The following ACO2 variants were observed in gnomAD, a reference collection of about 807,000 sequenced individuals.
ACO2 encodes aconitase 2, also known as aconitate hydratase, mitochondrial.
ACO2 carries 31 observed loss-of-function variants against 84.5 expected under a neutral mutation model. The ratio of observed to expected loss-of-function variants is 0.37; its 90% CI spans 0.28 to 0.50. The LOEUF (loss-of-function observed/expected upper bound fraction) is 0.50. Among genes scored for constraint, ACO2 ranks in the 20% least tolerant of loss-of-function variants. ACO2 has a pLI of 0.97. For synonymous variants in ACO2, 414 were observed against 412.7 expected (o/e 1.00, Z -0.04); for missense variants, 685 against 1,029.3 (o/e 0.67, Z 4.58).
chr22:41,478,172 C>G (rs2038042927), intron 1 of ACO2, among the ~76,000 whole-genome samples: 2 of 152,130 alleles, frequency 1.3e-5, no homozygotes, highest in Admixed American at 6.5e-5. Flanking sequence ...AAGATAGAGT[C>G]TCGCTCTGTT....
At chr22:41,520,819 G>C (rs751707333) in intron 9 of ACO2, among the ~76,000 whole-genome samples, 7 of 150,618 alleles carry the variant, frequency 4.6e-5, no homozygotes, top group African/African-American at 7.4e-5. Context: ...TCCAGCCTGG[G>C]TGACAGAGCG....
chr22:41,469,500 T>G, intron 1 of ACO2: 1 of 340,250 alleles, frequency 2.9e-6, no homozygotes, highest in Non-Finnish European at 5.4e-6. Context: ...TGTGTTTCCA[T>G]TCCTCAAGGT....
intron 1 of ACO2, among the ~76,000 whole-genome samples, chr22:41,475,454 G>A (rs2038001644): frequency 2.0e-5 from 3 of 152,092 alleles, no homozygotes; most frequent in Admixed American, 1.3e-4. Flanking sequence ...TGGCTAGTGG[G>A]AAGAGAGTGT....
At position 41,526,557 on chromosome 22, in the gene ACO2, G is replaced by A. The variant is rs572097158; in HGVS notation, c.1953+104G>A. The A allele has an allele frequency of 3.3e-3, 4,323 of 1,328,632 alleles. 11 individuals are homozygous for A. The highest frequency in any genetic ancestry group is 4.0e-3 in the Non-Finnish European group (3,903 of 978,054). The allele number at this position is 1,328,632 out of a possible 1,614,324, so 82.3% of individuals were successfully genotyped here. A position where few individuals can be genotyped will look rare whatever the true frequency, so the allele number is the denominator to read the frequency against. Reference sequence around the variant, plus strand: ...GGGAGTGGAAACTGGGAAGGAGGCCGACCAAGCCCAAAGGGGACTGCTGTG... The same window carrying A: ...GGGAGTGGAAACTGGGAAGGAGGCCAACCAAGCCCAAAGGGGACTGCTGTG... On this transcript the variant is annotated intron_variant, in intron 15 of 17. Coordinates refer to ENST00000216254, the MANE Select transcript of ACO2 (RefSeq NM_001098.3).
In ACO2 at chr22:41,526,363, C is replaced by T. The variant is rs1156939448; in HGVS notation, c.1863C>T (p.Ala621=). 1 of 1,613,746 alleles carries T rather than the reference C, an allele frequency of 6.2e-7. No homozygotes were observed. The highest frequency in any genetic ancestry group is 8.5e-7 in the Non-Finnish European group (1 of 1,180,030). The part of the protein sequence containing the change: ...DNISNNLLIG[A]INIENGKANS... ...TCTCCAACAACCTGCTCATTGGTGC[C>T]ATCAACATTGAAAACGGCAAGGCCA... is the stretch of plus-strand genomic sequence containing the variant. The change falls in exon 15 of 18, where the codon GCC becomes GCT. Residue 621 remains alanine (A), a synonymous_variant. Coordinates refer to ENST00000216254, the MANE Select transcript of ACO2 (RefSeq NM_001098.3).
intron 8 of ACO2, among the ~76,000 whole-genome samples, chr22:41,518,813 C>T (rs921999958): frequency 6.6e-6 from 1 of 152,050 alleles, no homozygotes; most frequent in African/African-American, 2.4e-5. Context: ...CGGCATAGTG[C>T]CATGTGCCTA....
intron 1 of ACO2, among the ~76,000 whole-genome samples, chr22:41,484,043 T>C (rs990721155): frequency 6.6e-6 from 1 of 152,158 alleles, no homozygotes; most frequent in Non-Finnish European, 1.5e-5. Flanking sequence ...GAATTTGTGA[T>C]AAGTACACCA....
chr22:41,488,355 T>G (rs1190823893), intron 1 of ACO2, among the ~76,000 whole-genome samples: 1 of 152,216 alleles, frequency 6.6e-6, no homozygotes, highest in Non-Finnish European at 1.5e-5. Context: ...CAGTTTAGTC[T>G]GCTTACTGCT....
At chr22:41,524,701 T>C in intron 12 of ACO2, 145 bp from the exon 13 acceptor site, 1 of 1,311,590 alleles carries the variant, frequency 7.6e-7, no homozygotes, top group Non-Finnish European at 1.1e-6. Flanking sequence ...GTCCTGCAGC[T>C]CTGGCCTCTG....
chr22:41,511,392 G>A (rs1475118134), intron 3 of ACO2, among the ~76,000 whole-genome samples: 4 of 152,156 alleles, frequency 2.6e-5, no homozygotes, highest in Non-Finnish European at 5.9e-5. Flanking sequence ...GGCTGGTCTT[G>A]AACTCCTGAC....
chr22:41,518,455 C>T (rs760688516), intron 7 of ACO2, 26 bp from the exon 8 acceptor site: 6 of 1,572,952 alleles, frequency 3.8e-6, no homozygotes, highest in Non-Finnish European at 5.2e-6. Flanking sequence ...TTCACGTGCT[C>T]CATCCCCGTC....
intron 10 of ACO2, 73 bp from the exon 11 acceptor site, chr22:41,523,132 C>T (rs1017819477): frequency 3.9e-6 from 6 of 1,534,958 alleles, no homozygotes; most frequent in Non-Finnish European, 5.4e-6. Flanking sequence ...CTTCGTCCTG[C>T]AGCCACCACA....
chr22:41,473,951 AT>A (rs1279468555), intron 1 of ACO2, among the ~76,000 whole-genome samples: 1 of 152,102 alleles, frequency 6.6e-6, no homozygotes, highest in Non-Finnish European at 1.5e-5. Flanking sequence ...CGGTAAGGAA[AT>A]CCAAGTGTAG....
chr22:41,518,484 T>C lies in ACO2; in HGVS notation c.944T>C (p.Ile315Thr). 6.2e-7 allele frequency: 1 copy of C among 1,612,940 alleles called. No individual in the cohort carries two copies. The highest frequency in any genetic ancestry group is 8.5e-7 in the Non-Finnish European group (1 of 1,179,318). ...CCCCGTCCCTTGTTGATTTCAGACA[T>C]TGCCAATCTAGCTGATGAATTCAAG... The part of the protein sequence containing the change: ...KYLSKTGRED[I>T]ANLADEFKDH... Residue 315 changes from isoleucine (I) to threonine (T), a missense_variant, in exon 8 of 18, where the codon ATT (isoleucine) becomes ACT (threonine). By Grantham distance (89) the Ile-to-Thr change is moderately conservative (BLOSUM62 -1). This residue lies in a region of ACO2 where 311 missense variants were observed against 441.6 expected (regional missense o/e 0.70). Transcript: ENST00000216254.
chr22:41,522,241 G>A (rs1018772090), intron 9 of ACO2, among the ~76,000 whole-genome samples: 1 of 152,170 alleles, frequency 6.6e-6, no homozygotes, highest in African/African-American at 2.4e-5. Flanking sequence ...GTTGAGGCAG[G>A]AGGAGTTGCT....
intron 2 of ACO2, among the ~76,000 whole-genome samples, chr22:41,500,646 A>G (rs1442029856): frequency 6.6e-6 from 1 of 152,012 alleles, no homozygotes; most frequent in African/African-American, 2.4e-5. Flanking sequence ...CGGCTTCCCA[A>G]AGTCCTGGGA....
At chr22:41,499,897 G>A in intron 2 of ACO2, 35 bp downstream of exon 2, 1 of 1,608,874 alleles carries the variant, frequency 6.2e-7, no homozygotes. Flanking sequence ...GACTGTCAAG[G>A]GCATTGCGTC....
Position 41,518,508 on chromosome 22 carries a change from A to G in ACO2, c.968A>G (p.Lys323Arg), listed in dbSNP as rs752413538. Residue 323 changes from lysine (K) to arginine (R), a missense_variant, in exon 8 of 18, where the codon AAG becomes AGG. This residue lies in a region of ACO2 where 311 missense variants were observed against 441.6 expected (regional missense o/e 0.70). Coordinates refer to ENST00000216254, the MANE Select transcript of ACO2 (RefSeq NM_001098.3). Reference sequence around the variant, plus strand: ...ATTGCCAATCTAGCTGATGAATTCAAGGATCACTTGGTGCCTGACCCTGGC... The same window carrying G: ...ATTGCCAATCTAGCTGATGAATTCAGGGATCACTTGGTGCCTGACCCTGGC... ...EDIANLADEF[K>R]DHLVPDPGCH... 1.2e-6 allele frequency: 2 copies of G among 1,613,878 alleles called. No individual in the cohort carries two copies. The highest frequency in any genetic ancestry group is 2.2e-5 in the South Asian group (2 of 91,064).
intron 1 of ACO2, among the ~76,000 whole-genome samples, chr22:41,475,922 T>C (rs566388618): frequency 1.4e-5 from 2 of 147,514 alleles, no homozygotes; most frequent in Non-Finnish European, 3.0e-5. Context: ...AAGCAGCAGA[T>C]GGACCCTCAG....
Sources: gnomAD v4.1 joint callset for allele counts (sites outside exome capture counted in the v4.1 genomes callset) on GRCh38, gnomAD v4.1.1 for gene constraint, gnomAD v4.1.1 regional missense constraint, MANE v1.5 for transcripts, NCBI Gene and HGNC (gene_info 2026-07-23, HGNC 2026-07-21) for gene names.